Variants in OTOF observed in about 807,000 individuals in gnomAD.
OTOF encodes otoferlin, also known as fer-1-like family member 2.
A neutral mutation model predicts 236.8 loss-of-function variants in OTOF; 218 were observed. That is an observed-to-expected ratio of 0.92 (90% confidence interval 0.82 to 1.03). The LOEUF (loss-of-function observed/expected upper bound fraction) is 1.03, where lower values mean the gene tolerates loss of function less well. OTOF is among the 50% of genes least tolerant of loss of function. The pLI, the probability that OTOF is intolerant of heterozygous loss-of-function variation, is 0.00. For synonymous variants in OTOF, 1,041 were observed against 1,072.5 expected (o/e 0.97, Z 0.57); for missense variants, 2,590 against 2,694.4 (o/e 0.96, Z 0.86).
At chr2:26,518,477 G>T (rs922040365) in intron 4 of OTOF, among the ~76,000 whole-genome samples, 1 of 152,240 alleles carries the variant, frequency 6.6e-6, no homozygotes, top group Non-Finnish European at 1.5e-5. Context: ...TCAGAGCAGA[G>T]CCTGGGGCCA....
chr2:26,493,277 T>G (rs891445202), intron 9 of OTOF, among the ~76,000 whole-genome samples: 3 of 151,890 alleles, frequency 2.0e-5, no homozygotes, highest in African/African-American at 7.3e-5. Context: ...TGGGCCTGGG[T>G]TTTCTTCCTG....
intron 5 of OTOF, among the ~76,000 whole-genome samples, chr2:26,504,257 T>A (rs912569236): frequency 1.3e-5 from 2 of 152,114 alleles, no homozygotes; most frequent in African/African-American, 4.8e-5. Context: ...CCGGCTCAGC[T>A]GGTTGGAGAG....
intron 5 of OTOF, among the ~76,000 whole-genome samples, chr2:26,510,922 A>AG (rs1395238929): frequency 6.6e-6 from 1 of 152,194 alleles, no homozygotes; most frequent in East Asian, 1.9e-4. Flanking sequence ...TCTGCAGAAA[A>AG]GGGGTCCCAT....
intron 30 of OTOF, among the ~76,000 whole-genome samples, chr2:26,471,985 GCA>G (rs754295022): frequency 1.3e-5 from 2 of 151,460 alleles, no homozygotes; most frequent in Non-Finnish European, 2.9e-5. Flanking sequence ...CACACCACAT[GCA>G]CACACATATG....
rs187033414 is a variant in OTOF, at chr2:26,516,550, C to G, written c.377G>C (p.Gly126Ala). Residue 126 changes from glycine to alanine, a missense_variant, in exon 5 of 47, where the codon GGC becomes GCC. Gly to Ala is a moderately conservative substitution (Grantham distance 60). Transcript: ENST00000272371. The part of the protein sequence containing the change: ...VRYQATDGTV[G>A]SWDDGDFLGD... ...CAGGAAGTCCCCATCGTCCCAGGAG[C>G]CCACTGTGCCGTCAGTGGCCTGATA... 6.2e-7 allele frequency: 1 copy of G among 1,612,150 alleles called. No homozygotes were observed. The highest frequency in any genetic ancestry group is 8.5e-7 in the Non-Finnish European group (1 of 1,179,984).
chr2:26,475,269 T>G (rs1572424997), intron 25 of OTOF, 90 bp downstream of exon 25: 1 of 1,471,424 alleles, frequency 6.8e-7, no homozygotes, highest in Non-Finnish European at 9.5e-7. Context: ...GTGGCGGAGG[T>G]GAGGGCACAG....
chr2:26,523,440 C>G (rs1666727541), intron 3 of OTOF, among the ~76,000 whole-genome samples: 1 of 152,216 alleles, frequency 6.6e-6, no homozygotes, highest in African/African-American at 2.4e-5. Flanking sequence ...GGACAAGTCT[C>G]TCTCTCTGAG....
At chr2:26,518,935 T>A (rs1382814275) in intron 4 of OTOF, 75 bp downstream of exon 4, 3 of 1,024,278 alleles carry the variant, frequency 2.9e-6, no homozygotes, top group Middle Eastern at 2.0e-4. Context: ...GACCACCCCA[T>A]GTGTGAGGCA....
At chr2:26,514,001 AG>A (rs992567114) in intron 5 of OTOF, among the ~76,000 whole-genome samples, 9 of 152,228 alleles carry the variant, frequency 5.9e-5, no homozygotes, top group Non-Finnish European at 1.3e-4. Flanking sequence ...ATGGGCAGCC[AG>A]GATTAAGCTA....
rs200754991 is a variant in OTOF at position 26,519,058 on chromosome 2, A to G, written c.279T>C (p.His93=). Residue 93 remains histidine, a synonymous_variant, in exon 4 of 47, where the codon CAT becomes CAC. Transcript: ENST00000272371. The part of the protein sequence containing the change: ...MVLQKVVEES[H]VEVTDTLIDD... ...CAATCAGCGTGTCAGTCACCTCCAC[A>G]TGGCTCTCCTCTACCACCTTCTGCA... is the stretch of plus-strand genomic sequence containing the variant. 6.2e-7 allele frequency: 1 copy of G among 1,610,198 alleles called. No individual in the cohort carries two copies. The highest frequency in any genetic ancestry group is 2.2e-5 in the East Asian group (1 of 44,876).
chr2:26,480,776 G>A lies in OTOF; in HGVS notation c.1803+10C>T, dbSNP rs146455437. On this transcript the variant is annotated intron_variant, in intron 15 of 46. Transcript: ENST00000272371. ...GGCCCTGGGGGACAGCACAGTGCCTGGGGTCTCACCTCCGAGATGGGCGTG... is the reference window on the plus strand; with the variant it reads ...GGCCCTGGGGGACAGCACAGTGCCTAGGGTCTCACCTCCGAGATGGGCGTG... 26 of 1,607,186 alleles carry A rather than the reference G, an allele frequency of 1.6e-5. No individual in the cohort carries two copies. The Admixed American group carries it at 4.2e-4, about 26-fold the overall frequency.
At chr2:26,526,935 C>T (rs1206996673) in intron 3 of OTOF, among the ~76,000 whole-genome samples, 1 of 152,186 alleles carries the variant, frequency 6.6e-6, no homozygotes, top group Non-Finnish European at 1.5e-5. Context: ...AAATGATCCT[C>T]CCGCCTTATC....
chr2:26,484,571 T>C lies in OTOF; in HGVS notation c.1108A>G (p.Lys370Glu). 1 of 1,613,972 alleles carries C rather than the reference T, an allele frequency of 6.2e-7. No individual in the cohort carries two copies. Among genetic ancestry groups the C allele is most frequent in the Non-Finnish European group, 8.5e-7 (1 of 1,179,992 alleles). Residue 370 changes from lysine (K) to glutamate (E), a missense_variant, in exon 12 of 47, where the codon AAG (lysine) becomes GAG (glutamate). By Grantham distance (56) the Lys-to-Glu change is moderately conservative (BLOSUM62 1). Transcript: ENST00000272371. ...SDPDDISSGLKGYVKCDVAVV... is the reference protein window; with the variant it reads ...SDPDDISSGLEGYVKCDVAVV... ...GCAACGTCACACTTCACGTAGCCCT[T>C]CAGCCCCGAGGAGATGTCATCGGGG...
At chr2:26,499,055 G>C (rs1666055900) in intron 8 of OTOF, among the ~76,000 whole-genome samples, 1 of 152,120 alleles carries the variant, frequency 6.6e-6, no homozygotes. Flanking sequence ...AAACTGGAGA[G>C]ATGTTGGGTG....
In OTOF at chr2:26,479,722, G is replaced by T. The variant is rs188578621; in HGVS notation, c.1913-69C>A. 355 of 1,506,374 alleles carry T rather than the reference G, an allele frequency of 2.4e-4. No individual in the cohort carries two copies. In the African/African-American group the frequency reaches 4.5e-3, roughly 19 times the overall value. 93.3% of individuals were successfully genotyped at this position (1,506,374 alleles called of 1,614,324 possible). A position where few individuals can be genotyped will look rare whatever the true frequency, so the allele number is the denominator to read the frequency against. ...CAGGCCCCTCCCACCGTCCAATCCG[G>T]TGCTGCCTTGGGTTTGGGAAAGGGG... On this transcript the variant is annotated intron_variant, in intron 16 of 46. Transcript: ENST00000272371.
At chr2:26,484,312 T>G (rs1007529912) in intron 12 of OTOF, among the ~76,000 whole-genome samples, 162 bp downstream of exon 12, 2 of 152,188 alleles carry the variant, frequency 1.3e-5, no homozygotes, top group South Asian at 4.1e-4. Context: ...CATCACCCCC[T>G]GCCCCTGCCC....
intron 8 of OTOF, among the ~76,000 whole-genome samples, chr2:26,496,773 C>T (rs904872621): frequency 1.3e-5 from 2 of 152,028 alleles, no homozygotes; most frequent in Non-Finnish European, 2.9e-5. Flanking sequence ...CCAGACCTGA[C>T]ATGTTGCCAG....
chr2:26,458,204 A>C lies in OTOF; in HGVS notation c.*34T>G. On this transcript the variant is annotated 3_prime_UTR_variant, in exon 47 of 47. Transcript: ENST00000272371. Reference sequence around the variant, plus strand: ...TTGAGAGGGTTGAGGAACCAGACGAAGGCCGTGTCGGGCCGGCTGGGAAGT... The same window carrying C: ...TTGAGAGGGTTGAGGAACCAGACGACGGCCGTGTCGGGCCGGCTGGGAAGT... 6.3e-7 allele frequency: 1 copy of C among 1,599,710 alleles called. No homozygotes were observed. The highest frequency in any genetic ancestry group is 2.3e-5 in the East Asian group (1 of 43,976).
intron 5 of OTOF, among the ~76,000 whole-genome samples, chr2:26,505,118 C>A (rs895884916): frequency 2.0e-5 from 3 of 152,194 alleles, no homozygotes; most frequent in Non-Finnish European, 4.4e-5. Flanking sequence ...ATCCCAACCC[C>A]AGGACCTTTC....
Sources: allele counts gnomAD v4.1 joint callset (sites outside exome capture counted in the v4.1 genomes callset), GRCh38; gene constraint gnomAD v4.1.1; transcripts MANE v1.5; gene names NCBI Gene and HGNC (gene_info 2026-07-23, HGNC 2026-07-21).